LAMA2: variants seen among roughly 807,000 people sequenced by gnomAD.
LAMA2 encodes the protein laminin subunit alpha-2.
A neutral mutation model predicts 364.8 loss-of-function variants in LAMA2; 269 were observed. The ratio of observed to expected loss-of-function variants is 0.74; its 90% CI spans 0.67 to 0.82. The LOEUF (loss-of-function observed/expected upper bound fraction) is 0.82. LAMA2 is among the 40% of genes least tolerant of loss of function. The probability of loss-of-function intolerance (pLI) is 0.00; values close to 1 mark genes in which losing one functional copy is unlikely to be tolerated. For synonymous variants in LAMA2, 1,379 were observed against 1,370.6 expected, an observed-to-expected ratio of 1.01 and a Z score of -0.14; for missense variants, 3,807 against 3,873.2, an observed-to-expected ratio of 0.98 and a Z score of 0.45.
chr6:129,074,785 G>T (rs1295471896), intron 3 of LAMA2, among the ~76,000 whole-genome samples: 2 of 152,268 alleles, frequency 1.3e-5, no homozygotes, highest in East Asian at 3.9e-4. Flanking sequence ...GAAAGAATAT[G>T]TAAAATTGGG....
chr6:129,142,325 T>A (rs1295167549), intron 4 of LAMA2, among the ~76,000 whole-genome samples: 1 of 151,954 alleles, frequency 6.6e-6, no homozygotes, highest in Non-Finnish European at 1.5e-5. Flanking sequence ...TATGCTTTGG[T>A]GAGGACTGTT....
chr6:129,502,974 T>C (rs556801287), intron 59 of LAMA2, 117 bp from the exon 60 acceptor site: 2 of 1,040,900 alleles, frequency 1.9e-6, no homozygotes, highest in African/African-American at 1.6e-5. Flanking sequence ...AAAGTCCTCA[T>C]CTCTGAGAAG....
At chr6:129,359,329 CAT>C (rs1037749422) in intron 32 of LAMA2, among the ~76,000 whole-genome samples, 3 of 149,164 alleles carry the variant, frequency 2.0e-5, no homozygotes, top group East Asian at 1.9e-4. Context: ...TATCATAAAA[CAT>C]ATATATAAAA....
At chr6:129,397,095 A>G (rs1779697277) in intron 37 of LAMA2, among the ~76,000 whole-genome samples, 1 of 152,102 alleles carries the variant, frequency 6.6e-6, no homozygotes, top group African/African-American at 2.4e-5. Flanking sequence ...CCAAAAAAAA[A>G]GAAAGAAAGA....
At chr6:129,350,135 C>G (rs1776776446) in intron 31 of LAMA2, among the ~76,000 whole-genome samples, 1 of 152,136 alleles carries the variant, frequency 6.6e-6, no homozygotes, top group South Asian at 2.1e-4. Flanking sequence ...GTCACCACCA[C>G]TTTTGGTATA....
intron 1 of LAMA2, among the ~76,000 whole-genome samples, chr6:128,952,794 T>C (rs551003269): frequency 8.5e-5 from 13 of 152,294 alleles, no homozygotes; most frequent in Admixed American, 5.2e-4. Flanking sequence ...GAAATCCAAA[T>C]TGAGCATCTA....
At chr6:128,955,056 AT>A (rs535350099) in intron 1 of LAMA2, among the ~76,000 whole-genome samples, 3,685 of 151,668 alleles carry the variant, frequency 0.024, 48 homozygotes, top group Middle Eastern at 0.031. Flanking sequence ...TGTTTCATGC[AT>A]TTTTTTTATC....
chr6:129,126,216 A>G (rs747603472), intron 4 of LAMA2, among the ~76,000 whole-genome samples: 4 of 152,208 alleles, frequency 2.6e-5, no homozygotes, highest in Non-Finnish European at 5.9e-5. Flanking sequence ...CAGAAAAACA[A>G]TTATACTTAG....
At chr6:129,156,286 A>C (rs373031923) in intron 8 of LAMA2, among the ~76,000 whole-genome samples, 1 of 151,898 alleles carries the variant, frequency 6.6e-6, no homozygotes, top group African/African-American at 2.4e-5. Flanking sequence ...AAATAACATC[A>C]TAATAATATT....
rs1052256143 is a variant in LAMA2 at position 128,987,678 on chromosome 6, A to G, written c.113-62240A>G. 2.0e-5 allele frequency among the ~76,000 whole-genome samples: 3 copies of G among 152,326 alleles called. No homozygotes were observed. In the Middle Eastern group the frequency reaches 0.01, roughly 518 times the overall value. ...GGGGCAGAGAAAATGAGAAAAACTT[A>G]GTATGAAGAAAAGAGTCTTAGGCTT... On this transcript the variant is annotated intron_variant, in intron 1 of 64. Coordinates refer to ENST00000421865, the MANE Select transcript of LAMA2 (RefSeq NM_000426.4).
chr6:129,192,729 G>T lies in LAMA2; in HGVS notation c.1658G>T (p.Arg553Leu), dbSNP rs969938145. 6.2e-7 allele frequency: 1 copy of T among 1,614,104 alleles called. No homozygotes were observed. Among genetic ancestry groups the T allele is most frequent in the Non-Finnish European group, 8.5e-7 (1 of 1,180,004 alleles). ...WYLTDLPGRI[R>L]VAPQQDDLDS... Reference sequence around the variant, plus strand: ...CTGACTGACCTTCCTGGCCGCATTCGAGTGGCTCCCCAGCAGGACGACTTG... The same window carrying T: ...CTGACTGACCTTCCTGGCCGCATTCTAGTGGCTCCCCAGCAGGACGACTTG... Residue 553 changes from arginine (R) to leucine (L), a missense_variant, in exon 12 of 65, where the codon CGA becomes CTA. Around this residue, in one of 3 missense-constraint regions of LAMA2, gnomAD observed 3,333 missense variants for 3,345.7 expected, o/e 1.00. Transcript: ENST00000421865.
At chr6:129,112,238 T>C (rs968550327) in intron 4 of LAMA2, among the ~76,000 whole-genome samples, 1 of 152,018 alleles carries the variant, frequency 6.6e-6, no homozygotes, top group Non-Finnish European at 1.5e-5. Flanking sequence ...GAAAAAATTA[T>C]CAGAATGATT....
intron 59 of LAMA2, 73 bp downstream of exon 59, chr6:129,502,844 A>G (rs1785756994): frequency 1.0e-6 from 1 of 976,206 alleles, no homozygotes; most frequent in South Asian, 1.3e-5. Context: ...AATCAAGTTG[A>G]ATCTACTACA....
intron 29 of LAMA2, among the ~76,000 whole-genome samples, chr6:129,340,592 T>C: frequency 6.6e-6 from 1 of 151,642 alleles, no homozygotes; most frequent in East Asian, 1.9e-4. Flanking sequence ...GCTGGGCACG[T>C]TGGGAGGCTG....
chr6:129,235,364 C>T (rs1270426687), intron 12 of LAMA2, among the ~76,000 whole-genome samples: 1 of 152,200 alleles, frequency 6.6e-6, no homozygotes, highest in Non-Finnish European at 1.5e-5. Flanking sequence ...TCTCCCTTCA[C>T]TTATTCTGCA....
intron 1 of LAMA2, among the ~76,000 whole-genome samples, chr6:129,019,702 C>T (rs543387927): frequency 1.4e-4 from 22 of 152,188 alleles, no homozygotes; most frequent in South Asian, 4.2e-4. Flanking sequence ...GGACTATTTA[C>T]GCAACAATCT....
chr6:129,208,743 GAGGAAGGA>G (rs977535762), intron 12 of LAMA2, among the ~76,000 whole-genome samples: 1 of 147,058 alleles, frequency 6.8e-6, no homozygotes, highest in Admixed American at 6.7e-5. Context: ...AGGAGGGAGG[GAGGAAGGA>G]AGGAAGAGGA....
intron 12 of LAMA2, among the ~76,000 whole-genome samples, chr6:129,193,803 G>A (rs1781677672): frequency 1.3e-5 from 2 of 152,196 alleles, no homozygotes; most frequent in South Asian, 4.2e-4. Context: ...TATAGTCAGT[G>A]GTTTTCTTGC....
chr6:129,207,431 A>G (rs1429834119), intron 12 of LAMA2, among the ~76,000 whole-genome samples: 1 of 152,194 alleles, frequency 6.6e-6, no homozygotes, highest in Non-Finnish European at 1.5e-5. Context: ...TAATATCAAA[A>G]CAAGTATGTT....
Sources: allele counts gnomAD v4.1 joint callset (sites outside exome capture counted in the v4.1 genomes callset), GRCh38; gene constraint gnomAD v4.1.1; regional missense constraint gnomAD v4.1.1; transcripts MANE v1.5; gene names NCBI Gene and HGNC (gene_info 2026-07-23, HGNC 2026-07-21).